Variants in ACAA2 observed in about 807,000 individuals in gnomAD.
ACAA2 encodes the protein acetyl-CoA acyltransferase 2.
ACAA2 carries 35 observed loss-of-function variants against 44.8 expected under a neutral mutation model. The observed-to-expected ratio is 0.78, with a 90% CI of 0.60 to 1.04. The LOEUF (loss-of-function observed/expected upper bound fraction) is 1.04, where lower values mean the gene tolerates loss of function less well. Among genes scored for constraint, ACAA2 ranks in the 50% least tolerant of loss-of-function variants. ACAA2 has a pLI of 0.00. For synonymous variants in ACAA2, 142 were observed against 166.5 expected, an observed-to-expected ratio of 0.85 and a Z score of 1.13; for missense variants, 468 against 482.6, an observed-to-expected ratio of 0.97 and a Z score of 0.28.
At chr18:49,803,147 A>C (rs1194810650) in intron 1 of ACAA2, among the ~76,000 whole-genome samples, 1 of 151,894 alleles carries the variant, frequency 6.6e-6, no homozygotes, top group Non-Finnish European at 1.5e-5. Flanking sequence ...TTTATAAAAC[A>C]GGAGGAAAAG....
rs200369294 is a variant in ACAA2 at position 49,795,886 on chromosome 18, T to C, written c.313-5A>G. 1.0e-4 allele frequency: 166 copies of C among 1,590,590 alleles called. No homozygotes were observed. Among genetic ancestry groups the C allele is most frequent in the Admixed American group, 3.3e-4 (19 of 57,980 alleles). On this transcript the variant is annotated splice_region_variant and splice_polypyrimidine_tract_variant and intron_variant, in intron 3 of 9. Transcript: ENST00000285093. ...AGCTTCTTTAACACAAATTTCCTAT[T>C]TAAAAACAAACAGTAATAAAAACTC... is the stretch of plus-strand genomic sequence containing the variant.
At chr18:49,810,198 T>G (rs1739656127) in intron 1 of ACAA2, among the ~76,000 whole-genome samples, 1 of 152,166 alleles carries the variant, frequency 6.6e-6, no homozygotes, top group Non-Finnish European at 1.5e-5. Context: ...AAAACATAAA[T>G]TTGTATATTA....
intron 2 of ACAA2, 140 bp downstream of exon 2, chr18:49,802,547 C>T (rs941935974): frequency 8.9e-5 from 68 of 764,878 alleles, no homozygotes; most frequent in African/African-American, 1.3e-4. Flanking sequence ...GGCGGCAGAG[C>T]GAGACTCCAT....
chr18:49,802,474 A>C (rs1224460806), intron 2 of ACAA2, among the ~76,000 whole-genome samples: 1 of 150,112 alleles, frequency 6.7e-6, no homozygotes, highest in South Asian at 2.1e-4. Context: ...AGGCAGGAGA[A>C]TTGCTTGAAC....
intron 1 of ACAA2, among the ~76,000 whole-genome samples, chr18:49,810,100 A>G (rs1305893649): frequency 6.6e-6 from 1 of 152,246 alleles, no homozygotes; most frequent in Non-Finnish European, 1.5e-5. Flanking sequence ...CTCAAGGACT[A>G]ACAAGTTACA....
In ACAA2 at chr18:49,792,341, G is replaced by A; in HGVS notation, c.578-14C>T. ...CAGCATCATTAGCTGAAAAATAGTA[G>A]AGAGACTATCATAAGAATAAAAGAG... On this transcript the variant is annotated splice_polypyrimidine_tract_variant and intron_variant, in intron 5 of 9. Transcript: ENST00000285093. The A allele has an allele frequency of 6.3e-7, 1 of 1,597,250 alleles. No homozygotes were observed. The highest frequency in any genetic ancestry group is 1.1e-5 in the South Asian group (1 of 90,350).
intron 1 of ACAA2, among the ~76,000 whole-genome samples, chr18:49,813,246 T>C (rs1466343397): frequency 6.6e-6 from 1 of 152,218 alleles, no homozygotes; most frequent in Non-Finnish European, 1.5e-5. Flanking sequence ...AAACAGGAAA[T>C]TGCACCGAAA....
chr18:49,789,561 T>G (rs2023374013), intron 7 of ACAA2, among the ~76,000 whole-genome samples: 1 of 152,198 alleles, frequency 6.6e-6, no homozygotes, highest in African/African-American at 2.4e-5. Flanking sequence ...CTTGGTTCAC[T>G]GGCTATGCTA....
In ACAA2 at chr18:49,785,308, C is replaced by T; in HGVS notation, c.998G>A (p.Ser333Asn). Reference protein sequence around the residue: ...FAPQYLAVERSLDLDISKTNV... With the variant: ...FAPQYLAVERNLDLDISKTNV... Reference sequence around the variant, plus strand: ...GGTTTTACTTATGTCAAGATCCAAACTCCTCTCAACAGCCAAGTACTGGGG... The same window carrying T: ...GGTTTTACTTATGTCAAGATCCAAATTCCTCTCAACAGCCAAGTACTGGGG... Residue 333 changes from serine to asparagine, a missense_variant, in exon 9 of 10, where the codon AGT (serine) becomes AAT (asparagine). Physicochemically the swap from Ser to Asn is conservative, Grantham distance 46. Coordinates refer to ENST00000285093, the MANE Select transcript of ACAA2 (RefSeq NM_006111.3). 1 of 1,614,166 alleles carries T rather than the reference C, an allele frequency of 6.2e-7. No individual in the cohort carries two copies. Among genetic ancestry groups the T allele is most frequent in the Non-Finnish European group, 8.5e-7 (1 of 1,180,022 alleles).
chr18:49,803,372 T>C (rs1030447596), intron 1 of ACAA2, among the ~76,000 whole-genome samples: 1 of 152,102 alleles, frequency 6.6e-6, no homozygotes, highest in African/African-American at 2.4e-5. Context: ...TGTAAGCTAA[T>C]GCATGTAGCC....
chr18:49,795,951 A>T, intron 3 of ACAA2, 70 bp from the exon 4 acceptor site: 1 of 926,132 alleles, frequency 1.1e-6, no homozygotes, highest in East Asian at 2.5e-5. Context: ...AAACACACTG[A>T]TTTTACAAAT....
chr18:49,805,521 C>A (rs1035381012), intron 1 of ACAA2, among the ~76,000 whole-genome samples: 1 of 151,740 alleles, frequency 6.6e-6, no homozygotes, highest in Non-Finnish European at 1.5e-5. Flanking sequence ...TTCAAGTTTC[C>A]TTTCATCCTC....
At chr18:49,785,094 C>T (rs1465314871) in intron 9 of ACAA2, 103 bp downstream of exon 9, 15 of 1,376,132 alleles carry the variant, frequency 1.1e-5, no homozygotes, top group African/African-American at 1.5e-5. Flanking sequence ...GTGCAGGAGA[C>T]ATGAAGAAGA....
At chr18:49,806,195 G>C (rs1449368315) in intron 1 of ACAA2, among the ~76,000 whole-genome samples, 2 of 152,178 alleles carry the variant, frequency 1.3e-5, no homozygotes, top group South Asian at 4.1e-4. Context: ...GGAATGGCTA[G>C]AACTCAGAAA....
chr18:49,812,570 T>G (rs148975111), intron 1 of ACAA2, among the ~76,000 whole-genome samples: 1 of 152,148 alleles, frequency 6.6e-6, no homozygotes, highest in Non-Finnish European at 1.5e-5. Context: ...AAGCCATCAT[T>G]TGCTGCTCCC....
chr18:49,797,351 G>T (rs910782383), intron 3 of ACAA2, 115 bp downstream of exon 3: 75 of 807,758 alleles, frequency 9.3e-5, no homozygotes, highest in Middle Eastern at 4.5e-4. Context: ...TGGTTTACTT[G>T]ACCTCCAGGG....
intron 2 of ACAA2, among the ~76,000 whole-genome samples, chr18:49,798,843 A>G (rs1016049563): frequency 2.0e-5 from 3 of 152,118 alleles, no homozygotes; most frequent in Non-Finnish European, 4.4e-5. Flanking sequence ...AAGGTTTGTC[A>G]AATATCACAT....
intron 3 of ACAA2, among the ~76,000 whole-genome samples, chr18:49,796,978 A>G (rs1312531476): frequency 6.6e-6 from 1 of 151,900 alleles, no homozygotes; most frequent in African/African-American, 2.4e-5. Flanking sequence ...ATATATATAT[A>G]TATAATACTT....
chr18:49,784,726 A>G (rs2023307362), intron 9 of ACAA2, among the ~76,000 whole-genome samples: 1 of 152,154 alleles, frequency 6.6e-6, no homozygotes, highest in East Asian at 1.9e-4. Flanking sequence ...CAAACACCCA[A>G]AAGGTTCCTC....
Sources: allele counts gnomAD v4.1 joint callset (sites outside exome capture counted in the v4.1 genomes callset), GRCh38; gene constraint gnomAD v4.1.1; transcripts MANE v1.5; gene names NCBI Gene and HGNC (gene_info 2026-07-23, HGNC 2026-07-21).